GATA4: variants seen among roughly 807,000 people sequenced by gnomAD.
The protein encoded by GATA4 is GATA binding protein 4.
GATA4 carries 7 observed loss-of-function variants against 37.9 expected under a neutral mutation model. That is an observed-to-expected ratio of 0.18 (90% CI 0.11 to 0.35). GATA4 has a LOEUF of 0.35. GATA4 is among the 10% of genes least tolerant of loss of function. The pLI, the probability that GATA4 is intolerant of heterozygous loss-of-function variation, is 1.00. For synonymous variants in GATA4, 372 were observed against 292.6 expected, an observed-to-expected ratio of 1.27 and a Z score of -2.77; for missense variants, 647 against 653.0, an observed-to-expected ratio of 0.99 and a Z score of 0.10.
intron 2 of GATA4, among the ~76,000 whole-genome samples, chr8:11,725,232 C>A (rs1317149928): frequency 2.0e-5 from 3 of 152,246 alleles, no homozygotes; most frequent in Admixed American, 2.0e-4. Flanking sequence ...ATCATCCTCC[C>A]CAGCAGGGAC....
chr8:11,682,984 C>A (rs1799021028), intron 1 of GATA4: 2 of 838,802 alleles, frequency 2.4e-6, no homozygotes, highest in African/African-American at 3.7e-5. Flanking sequence ...ATACTGGGTT[C>A]AGAGAAAGTT....
chr8:11,679,998 T>C (rs905418999), intron 1 of GATA4, among the ~76,000 whole-genome samples: 2 of 152,180 alleles, frequency 1.3e-5, no homozygotes, highest in African/African-American at 4.8e-5. Flanking sequence ...GAAAGAAAGA[T>C]TGGGAGAAGT....
chr8:11,737,661 T>A (rs1801527963), intron 2 of GATA4, among the ~76,000 whole-genome samples: 1 of 151,978 alleles, frequency 6.6e-6, no homozygotes, highest in Non-Finnish European at 1.5e-5. Context: ...TGACAGCGGG[T>A]CAACAGCTTC....
At chr8:11,733,333 A>C (rs1197829002) in intron 2 of GATA4, among the ~76,000 whole-genome samples, 1 of 152,252 alleles carries the variant, frequency 6.6e-6, no homozygotes, top group East Asian at 1.9e-4. Context: ...TTGTACAAGA[A>C]TAGCCAAGAT....
intron 1 of GATA4, chr8:11,694,372 CTG>C (rs1182423933): frequency 4.7e-6 from 2 of 426,178 alleles, no homozygotes; most frequent in African/African-American, 2.1e-5. Context: ...GAACCGTTGC[CTG>C]TTTCACTCAA....
At chr8:11,679,416 C>T (rs904779374) in intron 1 of GATA4, among the ~76,000 whole-genome samples, 4 of 152,302 alleles carry the variant, frequency 2.6e-5, no homozygotes, top group East Asian at 3.9e-4. Flanking sequence ...CCAGCCGGGT[C>T]TGATAAAGCC....
chr8:11,692,938 C>T (rs1799368480), intron 1 of GATA4: 9 of 984,792 alleles, frequency 9.1e-6, no homozygotes, highest in African/African-American at 1.7e-5. Context: ...CGTCAGCGCG[C>T]ACCTCATCAA....
At chr8:11,721,341 C>T (rs909467132) in intron 2 of GATA4, among the ~76,000 whole-genome samples, 6 of 148,296 alleles carry the variant, frequency 4.0e-5, no homozygotes, top group African/African-American at 1.0e-4. Flanking sequence ...GTGGAGGGCG[C>T]GAGGCAGGAA....
chr8:11,744,187 C>T (rs1266835094), intron 2 of GATA4, among the ~76,000 whole-genome samples: 2 of 152,162 alleles, frequency 1.3e-5, no homozygotes, highest in African/African-American at 2.4e-5. Flanking sequence ...TCCTCCCCTC[C>T]TCCAATAACC....
rs370183433 is a variant in GATA4 at position 11,756,917 on chromosome 8, G to T, written c.1001-18G>T. On this transcript the variant is annotated intron_variant, in intron 5 of 6. Transcript: ENST00000532059. ...TCCCTGCCGCTGATTTGGGTGTGCTGACTCTGCTTCATTCCAGCTCCTTCA... is the reference window on the plus strand; with the variant it reads ...TCCCTGCCGCTGATTTGGGTGTGCTTACTCTGCTTCATTCCAGCTCCTTCA... 2 of 1,614,082 alleles carry T rather than the reference G, an allele frequency of 1.2e-6. No individual in the cohort carries two copies. Among genetic ancestry groups the T allele is most frequent in the African/African-American group, 1.3e-5 (1 of 74,940 alleles).
At chr8:11,698,073 C>T in intron 1 of GATA4, 1 of 940,704 alleles carries the variant, frequency 1.1e-6, no homozygotes, top group Non-Finnish European at 1.3e-6. Flanking sequence ...CCCACCCAGG[C>T]CCGGCCGCTT....
intron 2 of GATA4, among the ~76,000 whole-genome samples, chr8:11,731,259 T>C (rs1801195017): frequency 6.6e-6 from 1 of 152,254 alleles, no homozygotes; most frequent in South Asian, 2.1e-4. Flanking sequence ...ATTCCCAATG[T>C]TTATTTTCTT....
intron 1 of GATA4, chr8:11,694,492 C>T: frequency 1.0e-6 from 1 of 985,456 alleles, no homozygotes; most frequent in East Asian, 1.1e-4. Flanking sequence ...ACTGCATCCT[C>T]ATCACTTCTT....
At chr8:11,677,695 C>T (rs1323668158) in intron 1 of GATA4, among the ~76,000 whole-genome samples, 1 of 152,178 alleles carries the variant, frequency 6.6e-6, no homozygotes, top group Admixed American at 6.5e-5. Context: ...GGTCTCAGAG[C>T]TCTCAGAGTC....
Position 11,732,631 on chromosome 8 carries a change from C to T in GATA4, c.617-16285C>T, listed in dbSNP as rs140045262. On this transcript the variant is annotated intron_variant, in intron 2 of 6. Coordinates refer to ENST00000532059, the MANE Select transcript of GATA4 (RefSeq NM_001308093.3). ...GATTCATGAACACGTCAGGTGAACC[C>T]GAGTCTGGAGGCTAGAGGAAGAGGA... Among the ~76,000 whole-genome samples, 59 of 152,194 alleles carry T rather than the reference C, an allele frequency of 3.9e-4. 1 individual carries two copies. The East Asian group carries it at 7.5e-3, about 19-fold the overall frequency.
At chr8:11,706,623 T>C (rs746184741) in intron 1 of GATA4, among the ~76,000 whole-genome samples, 117 of 152,254 alleles carry the variant, frequency 7.7e-4, no homozygotes, top group Non-Finnish European at 1.6e-3. Context: ...TGGATTCATA[T>C]ATAGTTAACA....
At chr8:11,727,676 C>T (rs1419877782) in intron 2 of GATA4, among the ~76,000 whole-genome samples, 1 of 151,988 alleles carries the variant, frequency 6.6e-6, no homozygotes, top group Non-Finnish European at 1.5e-5. Flanking sequence ...AACCCTGTCT[C>T]TACTAAAAAT....
At chr8:11,678,207 A>T (rs1470069833) in intron 1 of GATA4, among the ~76,000 whole-genome samples, 1 of 151,916 alleles carries the variant, frequency 6.6e-6, no homozygotes, top group Non-Finnish European at 1.5e-5. Context: ...CCATTTGTTC[A>T]CTCTGTAGCC....
intron 2 of GATA4, among the ~76,000 whole-genome samples, chr8:11,726,233 C>G (rs1171906577): frequency 6.6e-6 from 1 of 152,172 alleles, no homozygotes; most frequent in African/African-American, 2.4e-5. Context: ...CGGAGCCATC[C>G]TTGTAAAAGG....
Sources: gnomAD v4.1 joint callset for allele counts (sites outside exome capture counted in the v4.1 genomes callset) on GRCh38, gnomAD v4.1.1 for gene constraint, MANE v1.5 for transcripts, NCBI Gene and HGNC (gene_info 2026-07-23, HGNC 2026-07-21) for gene names.